PTPRK: variants seen among roughly 807,000 people sequenced by gnomAD.
The protein encoded by PTPRK is receptor-type tyrosine-protein phosphatase kappa.
A neutral mutation model predicts 178.0 loss-of-function variants in PTPRK; 75 were observed. The ratio of observed to expected loss-of-function variants is 0.42; its 90% CI spans 0.35 to 0.51. The LOEUF (loss-of-function observed/expected upper bound fraction) is 0.51. Among genes scored for constraint, PTPRK ranks in the 20% least tolerant of loss-of-function variants. The pLI, the probability that PTPRK is intolerant of heterozygous loss-of-function variation, is 0.02. For synonymous variants in PTPRK, 637 were observed against 620.6 expected (o/e 1.03, Z -0.39); for missense variants, 1,441 against 1,797.8 (o/e 0.80, Z 3.59).
At chr6:128,019,958 G>T (rs1472052838) in intron 13 of PTPRK, among the ~76,000 whole-genome samples, 1 of 152,102 alleles carries the variant, frequency 6.6e-6, no homozygotes, top group Admixed American at 6.6e-5. Context: ...TAAGTACCTT[G>T]TCTATGTAGT....
intron 3 of PTPRK, among the ~76,000 whole-genome samples, chr6:128,311,337 G>C (rs552996035): frequency 6.6e-6 from 1 of 152,114 alleles, no homozygotes; most frequent in Non-Finnish European, 1.5e-5. Flanking sequence ...TCAGTCATAA[G>C]ATTGACTTGT....
chr6:128,068,412 G>A (rs541753492), intron 11 of PTPRK, among the ~76,000 whole-genome samples: 4 of 152,272 alleles, frequency 2.6e-5, no homozygotes, highest in African/African-American at 4.8e-5. Flanking sequence ...GAAATAGACC[G>A]CCTCCTTCTT....
At chr6:128,334,759 T>C (rs1467735272) in intron 2 of PTPRK, among the ~76,000 whole-genome samples, 3 of 152,020 alleles carry the variant, frequency 2.0e-5, no homozygotes, top group Non-Finnish European at 4.4e-5. Context: ...AAAAATATAA[T>C]CTCCCCCATC....
intron 2 of PTPRK, among the ~76,000 whole-genome samples, chr6:128,340,013 A>C (rs1413789240): frequency 6.6e-6 from 1 of 152,168 alleles, no homozygotes; most frequent in Non-Finnish European, 1.5e-5. Flanking sequence ...ACCCCCATCC[A>C]AAATAAAACC....
At chr6:128,042,221 T>C (rs559157524) in intron 13 of PTPRK, among the ~76,000 whole-genome samples, 2 of 152,170 alleles carry the variant, frequency 1.3e-5, no homozygotes, top group East Asian at 3.9e-4. Flanking sequence ...TTTTCATGTT[T>C]TTAGATATCA....
At chr6:128,063,114 A>G (rs545329802) in intron 13 of PTPRK, among the ~76,000 whole-genome samples, 4 of 152,320 alleles carry the variant, frequency 2.6e-5, no homozygotes, top group African/African-American at 9.6e-5. Context: ...GAACTCAGAT[A>G]GTGTAAGGCC....
At chr6:128,454,158 C>T (rs1040604686) in intron 1 of PTPRK, among the ~76,000 whole-genome samples, 1 of 152,150 alleles carries the variant, frequency 6.6e-6, no homozygotes, top group African/African-American at 2.4e-5. Context: ...CAGAAGACAG[C>T]TTCTATGAAC....
At chr6:128,095,912 T>G (rs1014851901) in intron 7 of PTPRK, among the ~76,000 whole-genome samples, 12 of 152,214 alleles carry the variant, frequency 7.9e-5, no homozygotes, top group Non-Finnish European at 1.6e-4. Context: ...AAAATACATA[T>G]ATTCAATAGG....
intron 1 of PTPRK, among the ~76,000 whole-genome samples, chr6:128,398,535 A>C (rs934026813): frequency 6.6e-6 from 1 of 152,188 alleles, no homozygotes; most frequent in Non-Finnish European, 1.5e-5. Context: ...ATAAGAGTGA[A>C]AGTTGTCTTC....
At chr6:128,078,615 A>G (rs1784265494) in intron 11 of PTPRK, among the ~76,000 whole-genome samples, 198 bp downstream of exon 11, 1 of 152,014 alleles carries the variant, frequency 6.6e-6, no homozygotes, top group South Asian at 2.1e-4. Flanking sequence ...CTATTTTATT[A>G]TTAGTTATTG....
chr6:128,520,237 G>A (rs11752256), intron 1 of PTPRK, 22 bp downstream of exon 1: 149,031 of 1,562,132 alleles, frequency 0.095, 7,922 homozygotes, highest in Non-Finnish European at 0.11. Flanking sequence ...GCGTTCGTCG[G>A]GGACGCCCCC....
intron 2 of PTPRK, among the ~76,000 whole-genome samples, chr6:128,350,475 A>T (rs1832975320): frequency 6.6e-6 from 1 of 152,170 alleles, no homozygotes; most frequent in African/African-American, 2.4e-5. Context: ...CAGTGCACAG[A>T]AAGGTATTCA....
rs981630742 is a variant in PTPRK, at chr6:127,969,978, A to G, written c.*249T>C. ...CAAACACCAATACGTTCTCATTTCA[A>G]TCTGGTTCTTATTAAATATAATTTA... On this transcript the variant is annotated 3_prime_UTR_variant, in exon 30 of 30. Coordinates refer to ENST00000368226, the MANE Select transcript of PTPRK (RefSeq NM_002844.4). The G allele has an allele frequency of 3.3e-4, 128 of 386,268 alleles. No homozygotes were observed. Among genetic ancestry groups the G allele is most frequent in the Non-Finnish European group, 4.6e-5 (10 of 217,330 alleles). 23.9% of individuals were successfully genotyped at this position (386,268 alleles called of 1,614,324 possible).
At chr6:128,125,422 G>A (rs1467045579) in intron 7 of PTPRK, among the ~76,000 whole-genome samples, 1 of 151,816 alleles carries the variant, frequency 6.6e-6, no homozygotes. Context: ...CCTCCCTTTT[G>A]CCTTCTGCCA....
chr6:128,269,404 T>C (rs1043899405), intron 3 of PTPRK, among the ~76,000 whole-genome samples: 5 of 151,744 alleles, frequency 3.3e-5, no homozygotes, highest in Non-Finnish European at 5.9e-5. Context: ...ATATGGTCTA[T>C]GACAGAGATA....
chr6:128,041,066 C>T (rs148626828), intron 13 of PTPRK, among the ~76,000 whole-genome samples: 2 of 152,100 alleles, frequency 1.3e-5, no homozygotes, highest in East Asian at 3.9e-4. Context: ...CCCATTTTTA[C>T]AAAATTTAAG....
chr6:128,517,096 G>A (rs185101069), intron 1 of PTPRK, among the ~76,000 whole-genome samples: 1 of 151,114 alleles, frequency 6.6e-6, no homozygotes, highest in East Asian at 1.9e-4. Context: ...ACACACACAC[G>A]TGCGCACACA....
chr6:128,061,588 T>C (rs1390578137), intron 13 of PTPRK, among the ~76,000 whole-genome samples: 3 of 152,260 alleles, frequency 2.0e-5, no homozygotes, highest in African/African-American at 4.8e-5. Context: ...GTAGGGCAGC[T>C]GAAACACAAG....
chr6:127,976,600 A>G, intron 27 of PTPRK, 57 bp downstream of exon 27: 2 of 1,595,392 alleles, frequency 1.3e-6, no homozygotes, highest in Non-Finnish European at 1.7e-6. Context: ...ATTATACCAC[A>G]TCTTGGTTAT....
Sources: gnomAD v4.1 joint callset for allele counts (sites outside exome capture counted in the v4.1 genomes callset) on GRCh38, gnomAD v4.1.1 for gene constraint, MANE v1.5 for transcripts, NCBI Gene and HGNC (gene_info 2026-07-23, HGNC 2026-07-21) for gene names.